AP3D1: variants seen among roughly 807,000 people sequenced by gnomAD.
AP3D1 encodes the protein AP-3 complex subunit delta-1.
A neutral mutation model predicts 147.6 loss-of-function variants in AP3D1; 51 were observed. The ratio of observed to expected loss-of-function variants is 0.35; its 90% CI spans 0.28 to 0.44. The LOEUF is 0.44. Ranked by LOEUF, AP3D1 falls within the 20% of genes least tolerant of loss-of-function variation. The probability of loss-of-function intolerance (pLI) is 1.00; values close to 1 mark genes in which losing one functional copy is unlikely to be tolerated. For missense variants in AP3D1, 1,421 were observed against 1,624.2 expected (o/e 0.87, Z 2.15); for synonymous variants, 760 against 663.0 (o/e 1.15, Z -2.25).
intron 1 of AP3D1, among the ~76,000 whole-genome samples, chr19:2,157,422 A>T (rs1459966707): frequency 7.2e-6 from 1 of 138,762 alleles, no homozygotes; most frequent in Non-Finnish European, 1.5e-5. Context: ...AGCCTGGGCG[A>T]CAGAGCGAGA....
At chr19:2,103,980 G>A (rs1442071925) in intron 31 of AP3D1, among the ~76,000 whole-genome samples, 1 of 151,486 alleles carries the variant, frequency 6.6e-6, no homozygotes, top group Non-Finnish European at 1.5e-5. Context: ...CAAACACCAA[G>A]ACACTAACAC....
intron 23 of AP3D1, 58 bp from the exon 24 acceptor site, chr19:2,113,025 C>T: frequency 3.1e-6 from 4 of 1,277,410 alleles, no homozygotes; most frequent in Non-Finnish European, 4.4e-6. Flanking sequence ...CACTCCACTG[C>T]ACCCCAGACA....
chr19:2,151,171 T>G (rs2019498579), intron 1 of AP3D1, 68 bp downstream of exon 1: 1 of 1,454,486 alleles, frequency 6.9e-7, no homozygotes, highest in Non-Finnish European at 9.4e-7. Context: ...GCAGGCCCAG[T>G]GAGCAGGGCT....
chr19:2,113,473 G>A (rs1311267861), intron 22 of AP3D1, 60 bp from the exon 23 acceptor site: 180 of 1,042,172 alleles, frequency 1.7e-4, no homozygotes, highest in Non-Finnish European at 1.7e-4. Context: ...AAGAGGGGAC[G>A]GGGACAGCAG....
intron 1 of AP3D1, among the ~76,000 whole-genome samples, chr19:2,142,094 T>C (rs2019238329): frequency 6.6e-6 from 1 of 151,196 alleles, no homozygotes; most frequent in Non-Finnish European, 1.5e-5. Flanking sequence ...CTCGGCTCAC[T>C]GTAACCTCCG....
rs2018288486 is a variant in AP3D1, at chr19:2,111,801, G to A, written c.2815C>T (p.His939Tyr). 1 of 1,613,788 alleles carries A rather than the reference G, an allele frequency of 6.2e-7. No individual in the cohort carries two copies. Among genetic ancestry groups the A allele is most frequent in the Non-Finnish European group, 8.5e-7 (1 of 1,179,944 alleles). ...KKSPKPKKKK[H>Y]RKEKEERTKG... Reference sequence around the variant, plus strand: ...GTCCGCTCCTCCTTCTCCTTCCTGTGCTTCTTCTTCTTAGGCTTGGGAGAT... The same window carrying A: ...GTCCGCTCCTCCTTCTCCTTCCTGTACTTCTTCTTCTTAGGCTTGGGAGAT... The change falls in exon 25 of 32, where the codon CAC (histidine) becomes TAC (tyrosine). Residue 939 changes from histidine to tyrosine, a missense_variant. This residue lies in a region of AP3D1 where 791 missense variants were observed against 761.4 expected (regional missense o/e 1.04). Coordinates refer to ENST00000643116, the MANE Select transcript of AP3D1 (RefSeq NM_001261826.3).
chr19:2,115,617 C>T lies in AP3D1; in HGVS notation c.2074-4G>A. ...CGCCCGGGGTGTCCTGGTACCGCTG[C>T]AAAGGCAACACCCAGGCGTTACCGG... On this transcript the variant is annotated splice_region_variant and splice_polypyrimidine_tract_variant and intron_variant, in intron 18 of 31. Transcript: ENST00000643116. 6.2e-7 allele frequency: 1 copy of T among 1,611,626 alleles called. No homozygotes were observed. The highest frequency in any genetic ancestry group is 2.2e-5 in the East Asian group (1 of 44,818).
chr19:2,105,501 C>CCCAT (rs2018084959), intron 31 of AP3D1, among the ~76,000 whole-genome samples: 2 of 152,328 alleles, frequency 1.3e-5, no homozygotes, highest in Middle Eastern at 6.8e-3. Flanking sequence ...TTTAATTCGG[C>CCCAT]CCATCCATTC....
upstream of AP3D1, among the ~76,000 whole-genome samples, chr19:2,153,946 ATTT>A (rs879565994): frequency 1.3e-5 from 1 of 74,402 alleles, no homozygotes. Context: ...CCCAGCCTGA[ATTT>A]TTTTTTTTTT....
At chr19:2,161,746 C>A (rs572760438) in intron 1 of AP3D1, among the ~76,000 whole-genome samples, 1 of 151,918 alleles carries the variant, frequency 6.6e-6, no homozygotes, top group East Asian at 1.9e-4. Context: ...ATCAAGAGTT[C>A]GAGACCAGCC....
At chr19:2,158,015 CAT>C (rs2019662269) in intron 1 of AP3D1, among the ~76,000 whole-genome samples, 2 of 152,070 alleles carry the variant, frequency 1.3e-5, no homozygotes, top group South Asian at 4.1e-4. Flanking sequence ...TTGTACCCCA[CAT>C]GTGCTCTTTT....
At chr19:2,111,551 C>A (rs1599444566) in intron 25 of AP3D1, 128 bp downstream of exon 25, 2 of 1,333,206 alleles carry the variant, frequency 1.5e-6, no homozygotes, top group Non-Finnish European at 2.0e-6. Flanking sequence ...AGTCCCCTGC[C>A]CCCGCCAGGC....
At chr19:2,114,713 G>A (rs776225571) in intron 21 of AP3D1, 35 bp downstream of exon 21, 36 of 1,595,872 alleles carry the variant, frequency 2.3e-5, no homozygotes, top group Non-Finnish European at 3.0e-5. Context: ...ACCACATGTG[G>A]CCTCCACCCT....
chr19:2,123,308 C>T lies in AP3D1; in HGVS notation c.955+50G>A, dbSNP rs1414385328. 3.8e-6 allele frequency: 6 copies of T among 1,582,438 alleles called. No homozygotes were observed. In the African/African-American group the frequency reaches 8.3e-5, roughly 22 times the overall value. On this transcript the variant is annotated intron_variant, in intron 11 of 31. Transcript: ENST00000643116. ...CTCACACTAGGAGGACCCCTAACTT[C>T]ACAGAGCTGGGGACACGAAAATGAC... is the stretch of plus-strand genomic sequence containing the variant.
At chr19:2,140,240 G>A (rs1050802271) in intron 1 of AP3D1, among the ~76,000 whole-genome samples, 5 of 152,088 alleles carry the variant, frequency 3.3e-5, no homozygotes, top group Non-Finnish European at 5.9e-5. Context: ...CAAACGGCGC[G>A]GCTGCTGTGG....
At chr19:2,130,146 C>A (rs1305726384) in intron 6 of AP3D1, among the ~76,000 whole-genome samples, 1 of 152,202 alleles carries the variant, frequency 6.6e-6, no homozygotes, top group Non-Finnish European at 1.5e-5. Flanking sequence ...CTAAGAGGGG[C>A]TGGCGGGGGT....
chr19:2,137,237 A>C (rs2019100830), intron 3 of AP3D1, 146 bp from the exon 4 acceptor site: 2 of 672,324 alleles, frequency 3.0e-6, no homozygotes, highest in Non-Finnish European at 5.2e-6. Flanking sequence ...AGCAAGTGGG[A>C]ACCAACCCGC....
rs1305867793 is a variant in AP3D1, at chr19:2,129,160, C to T, written c.736G>A (p.Gly246Ser). ...WVLIKIIKLF[G>S]ALTPLEPRLG... ...CGCGGTTCCAAAGGAGTAAGAGCAC[C>T]GAACTGTGGGGACAGCAGGGCCTCG... Residue 246 changes from glycine to serine, a missense_variant, in exon 8 of 32, where the codon GGT becomes AGT. By Grantham distance (56) the Gly-to-Ser change is moderately conservative (BLOSUM62 0). Coordinates refer to ENST00000643116, the MANE Select transcript of AP3D1 (RefSeq NM_001261826.3). 6 of 1,604,266 alleles carry T rather than the reference C, an allele frequency of 3.7e-6. No homozygotes were observed. Among genetic ancestry groups the T allele is most frequent in the Admixed American group, 1.7e-5 (1 of 57,834 alleles).
chr19:2,157,819 A>G (rs568440001), intron 1 of AP3D1, among the ~76,000 whole-genome samples: 38 of 152,246 alleles, frequency 2.5e-4, no homozygotes, highest in Non-Finnish European at 4.3e-4. Context: ...TGTAGGCAGC[A>G]GCAGGATTGG....
Sources: allele counts gnomAD v4.1 joint callset (sites outside exome capture counted in the v4.1 genomes callset), GRCh38; gene constraint gnomAD v4.1.1; regional missense constraint gnomAD v4.1.1; transcripts MANE v1.5; gene names NCBI Gene and HGNC (gene_info 2026-07-23, HGNC 2026-07-21).